Variants in PADI1 observed in about 807,000 individuals in gnomAD.
The protein encoded by PADI1 is peptidyl arginine deiminase 1.
Under a neutral mutation model 74.8 loss-of-function variants are expected in PADI1, and 65 were observed. The ratio of observed to expected loss-of-function variants is 0.87; its 90% CI spans 0.71 to 1.07. The LOEUF (loss-of-function observed/expected upper bound fraction) is 1.07, where lower values mean the gene tolerates loss of function less well. Ranked by LOEUF, PADI1 falls within the 50% of genes least tolerant of loss-of-function variation. The pLI is 0.00. For missense variants in PADI1, 943 were observed against 854.0 expected, an observed-to-expected ratio of 1.10 and a Z score of -1.30; for synonymous variants, 371 against 336.2, an observed-to-expected ratio of 1.10 and a Z score of -1.13.
rs1036447051 is a variant in PADI1 at position 17,245,550 on chromosome 1, T to C, written c.*1307T>C. 6.6e-6 allele frequency: 1 copy of C among 152,258 alleles called. No individual in the cohort carries two copies. 9.4% of individuals were successfully genotyped at this position (152,258 alleles called of 1,614,324 possible). A position where few individuals can be genotyped will look rare whatever the true frequency, so the allele number is the denominator to read the frequency against. ...CTAGGGCTTCGGTCCATCTAGGTTT[T>C]CAGTGGCCCCTGCTGAGACCTCACA... is the stretch of plus-strand genomic sequence containing the variant. On this transcript the variant is annotated 3_prime_UTR_variant, in exon 16 of 16. Coordinates refer to ENST00000375471, the MANE Select transcript of PADI1 (RefSeq NM_013358.3). The surrounding 1 kb of genome is among the most constrained non-coding windows in gnomAD (Gnocchi z 4.1).
chr1:17,229,979 C>A, intron 8 of PADI1, 106 bp from the exon 9 acceptor site: 1 of 1,069,382 alleles, frequency 9.4e-7, no homozygotes, highest in Non-Finnish European at 1.4e-6. Flanking sequence ...AACTGGAACC[C>A]CTGTACCCCA....
Position 17,222,380 on chromosome 1 carries a change from G to A in PADI1, c.183G>A (p.Glu61=), listed in dbSNP as rs141135882. The A allele has an allele frequency of 6.2e-6, 10 of 1,613,968 alleles. No individual in the cohort carries two copies. Among genetic ancestry groups the A allele is most frequent in the Middle Eastern group, 1.6e-4 (1 of 6,084 alleles). Residue 61 remains glutamate, a synonymous_variant, in exon 2 of 16, where the codon GAG becomes GAA. Coordinates refer to ENST00000375471, the MANE Select transcript of PADI1 (RefSeq NM_013358.3). The part of the protein sequence containing the change: ...FMVYNRTRVK[E]PIGKARWPLD... ...TCTACAACCGCACACGTGTGAAAGA[G>A]CCCATAGGCAAGGCCCGTTGGCCGC...
chr1:17,232,713 T>C, intron 10 of PADI1, 106 bp from the exon 11 acceptor site: 2 of 935,458 alleles, frequency 2.1e-6, no homozygotes, highest in Admixed American at 3.2e-5. Flanking sequence ...CTAAGAGCCA[T>C]GGAGTGGGAG....
Position 17,205,269 on chromosome 1 carries a change from G to T in PADI1, c.52G>T (p.Val18Leu). The change falls in exon 1 of 16, where the codon GTG (valine) becomes TTG (leucine). Residue 18 changes from valine to leucine, a missense_variant. Physicochemically the swap from Val to Leu is conservative, Grantham distance 32. Transcript: ENST00000375471. ...GTCCCTGAAGATGCCTACCCATGCC[G>T]TGTGTGTGGTGGGAGTCGAGGCACA... is the stretch of plus-strand genomic sequence containing the variant. ...QLSLKMPTHAVCVVGVEAHVD... is the reference protein window; with the variant it reads ...QLSLKMPTHALCVVGVEAHVD... The T allele has an allele frequency of 1.2e-6, 2 of 1,613,700 alleles. No homozygotes were observed. The highest frequency in any genetic ancestry group is 1.7e-6 in the Non-Finnish European group (2 of 1,179,632).
Position 17,240,660 on chromosome 1 carries a change from T to C in PADI1, c.1658T>C (p.Val553Ala). The C allele has an allele frequency of 6.2e-7, 1 of 1,614,142 alleles. No individual in the cohort carries two copies. Among genetic ancestry groups the C allele is most frequent in the Non-Finnish European group, 8.5e-7 (1 of 1,179,980 alleles). ...AAATGCATTGACTGGAACCGTAATG[T>C]GCTGAAGCGGGAGCTGGGCCTGGCA... ...AQKCIDWNRN[V>A]LKRELGLAES... Residue 553 changes from valine (V) to alanine (A), a missense_variant, in exon 15 of 16, where the codon GTG becomes GCG. Coordinates refer to ENST00000375471, the MANE Select transcript of PADI1 (RefSeq NM_013358.3).
At chr1:17,222,523 A>ATGTGGGGCTCTTACCTTGGAT in intron 2 of PADI1, 53 bp downstream of exon 2, 1 of 1,399,716 alleles carries the variant, frequency 7.1e-7, no homozygotes, top group Non-Finnish European at 1.0e-6. Context: ...CCCCCATCCA[A>ATGTGGGGCTCTTACCTTGGAT]GGTAAGAGCC....
intron 6 of PADI1, among the ~76,000 whole-genome samples, chr1:17,227,014 A>T (rs192430552): frequency 0.027 from 4,029 of 150,608 alleles, 177 homozygotes; most frequent in African/African-American, 0.094. Flanking sequence ...CCTGGGCGAC[A>T]GAGTGAGACT....
rs556828685 is a variant in PADI1 at position 17,229,924 on chromosome 1, C to CTTT, written c.930-160_930-158dup. Among the ~76,000 whole-genome samples the CTTT allele has an allele frequency of 7.9e-5, 12 of 152,306 alleles. No homozygotes were observed. The South Asian group carries it at 2.5e-3, about 32-fold the overall frequency. Reference sequence around the variant, plus strand: ...CCTGTCACCTGATGTGATCTGGAGACTTTATCCATCTTCCCCATGCGCCTA... The same window carrying CTTT: ...CCTGTCACCTGATGTGATCTGGAGACTTTTTTATCCATCTTCCCCATGCGCCTA... On this transcript the variant is annotated intron_variant, in intron 8 of 15. Transcript: ENST00000375471.
At position 17,205,230 on chromosome 1, in the gene PADI1, A is replaced by G; in HGVS notation, c.13A>G (p.Arg5Gly). 1.2e-6 allele frequency: 2 copies of G among 1,613,908 alleles called. No individual in the cohort carries two copies. The highest frequency in any genetic ancestry group is 1.7e-6 in the Non-Finnish European group (2 of 1,179,938). Residue 5 changes from arginine (R) to glycine (G), a missense_variant, in exon 1 of 16, where the codon AGA (arginine) becomes GGA (glycine). Transcript: ENST00000375471. MAPKRVVQLSLKMPT... is the reference protein window; with the variant it reads MAPKGVVQLSLKMPT... ...GCCAGGTGACAGGATGGCCCCAAAG[A>G]GAGTTGTGCAGCTGTCCCTGAAGAT...
intron 1 of PADI1, among the ~76,000 whole-genome samples, chr1:17,221,118 A>G (rs1253875742): frequency 6.6e-6 from 1 of 152,198 alleles, no homozygotes; most frequent in Non-Finnish European, 1.5e-5. Context: ...GATGGAAAGA[A>G]GTTGCACGGG....
intron 9 of PADI1, 75 bp from the exon 10 acceptor site, chr1:17,230,497 G>A (rs1355800764): frequency 1.3e-5 from 14 of 1,037,610 alleles, no homozygotes; most frequent in Admixed American, 2.6e-5. Flanking sequence ...CCTGCCCCAG[G>A]CCTGGTGGGG....
At chr1:17,239,883 C>G (rs1041774614) in intron 14 of PADI1, 100 bp downstream of exon 14, 7 of 937,640 alleles carry the variant, frequency 7.5e-6, no homozygotes, top group South Asian at 1.4e-5. Flanking sequence ...CGCTGGAGCT[C>G]TCATGGTCCT....
At chr1:17,232,709 G>A (rs2100496460) in intron 10 of PADI1, 110 bp from the exon 11 acceptor site, 1 of 889,706 alleles carries the variant, frequency 1.1e-6, no homozygotes. Flanking sequence ...GGTACTAAGA[G>A]CCATGGAGTG....
chr1:17,243,749 T>TG (rs2072823398), intron 15 of PADI1, among the ~76,000 whole-genome samples: 1 of 152,222 alleles, frequency 6.6e-6, no homozygotes, highest in Middle Eastern at 3.4e-3. Context: ...AGTTTTTTTT[T>TG]GTTTTTTGTT....
chr1:17,229,736 A>G (rs552765838), intron 8 of PADI1, among the ~76,000 whole-genome samples: 1 of 152,320 alleles, frequency 6.6e-6, no homozygotes, highest in East Asian at 1.9e-4. Flanking sequence ...GCTTAGGCCA[A>G]TTGTGTGGAA....
chr1:17,236,535 G>A (rs1051416727), intron 11 of PADI1, among the ~76,000 whole-genome samples: 2 of 152,092 alleles, frequency 1.3e-5, no homozygotes, highest in African/African-American at 4.8e-5. Context: ...TGGGGGGGTC[G>A]CTTGAATCCA....
chr1:17,233,095 C>A, intron 11 of PADI1, 125 bp downstream of exon 11: 2 of 938,228 alleles, frequency 2.1e-6, no homozygotes, highest in Non-Finnish European at 3.0e-6. Flanking sequence ...TGCGTGGAAT[C>A]CTGGAATCAA....
At chr1:17,234,230 C>T (rs1212828519) in intron 11 of PADI1, among the ~76,000 whole-genome samples, 2 of 152,166 alleles carry the variant, frequency 1.3e-5, no homozygotes, top group African/African-American at 2.4e-5. Flanking sequence ...TTATTGTATG[C>T]CAGGCACAGT....
chr1:17,226,764 AT>A (rs1363504673), intron 6 of PADI1, among the ~76,000 whole-genome samples: 9 of 152,096 alleles, frequency 5.9e-5, no homozygotes, highest in African/African-American at 2.2e-4. Flanking sequence ...AAATACAAAA[AT>A]TAGGCCGGGC....
Sources: gnomAD v4.1 joint callset for allele counts (sites outside exome capture counted in the v4.1 genomes callset) on GRCh38, gnomAD v4.1.1 for gene constraint, Gnocchi (gnomAD v3.1) non-coding constraint, MANE v1.5 for transcripts, NCBI Gene and HGNC (gene_info 2026-07-23, HGNC 2026-07-21) for gene names.